Variants in NRG3 observed in about 807,000 individuals in gnomAD.
NRG3 encodes pro-neuregulin-3, membrane-bound isoform.
In NRG3, 31 loss-of-function variants were observed where a neutral mutation model predicts 66.9. That is an observed-to-expected ratio of 0.46 (90% CI 0.35 to 0.63). NRG3 has a LOEUF of 0.63. NRG3 is among the 20% of genes least tolerant of loss of function. The pLI is 0.00. For missense variants in NRG3, 910 were observed against 878.9 expected, an observed-to-expected ratio of 1.04 and a Z score of -0.45; for synonymous variants, 393 against 359.4, an observed-to-expected ratio of 1.09 and a Z score of -1.06.
intron 2 of NRG3, among the ~76,000 whole-genome samples, chr10:82,517,664 TG>T: frequency 8.2e-6 from 1 of 121,724 alleles, no homozygotes; most frequent in African/African-American, 4.1e-5. Flanking sequence ...TGTGTGTGTG[TG>T]TGTGCATGTG....
intron 1 of NRG3, among the ~76,000 whole-genome samples, chr10:81,937,138 T>C (rs1264721089): frequency 2.6e-5 from 4 of 152,282 alleles, no homozygotes; most frequent in African/African-American, 7.2e-5. Flanking sequence ...ACGAATTCTA[T>C]TGTATGCATA....
intron 2 of NRG3, among the ~76,000 whole-genome samples, chr10:82,492,091 G>A (rs1843194370): frequency 6.6e-6 from 1 of 152,116 alleles, no homozygotes; most frequent in South Asian, 2.1e-4. Flanking sequence ...GTCACAGTCA[G>A]TTGTCCTTTC....
At chr10:81,892,242 T>G (rs943685661) in intron 1 of NRG3, among the ~76,000 whole-genome samples, 3 of 152,058 alleles carry the variant, frequency 2.0e-5, no homozygotes, top group Non-Finnish European at 4.4e-5. Context: ...GTCTGTGCAT[T>G]ATACACACAC....
intron 1 of NRG3, among the ~76,000 whole-genome samples, chr10:82,337,430 A>T (rs2082445820): frequency 6.6e-6 from 1 of 152,184 alleles, no homozygotes; most frequent in African/African-American, 2.4e-5. Flanking sequence ...AGTTGCTTCC[A>T]CTTTTTGGCT....
intron 2 of NRG3, among the ~76,000 whole-genome samples, chr10:82,679,892 T>A (rs918668220): frequency 1.3e-5 from 2 of 152,220 alleles, no homozygotes; most frequent in African/African-American, 4.8e-5. Flanking sequence ...CTTTTGTTTA[T>A]GTACTAACCT....
At chr10:82,983,336 G>C (rs1853119539) in intron 8 of NRG3, among the ~76,000 whole-genome samples, 1 of 152,006 alleles carries the variant, frequency 6.6e-6, no homozygotes, top group Non-Finnish European at 1.5e-5. Context: ...GAACTTTTAG[G>C]CTCATATTTT....
At chr10:82,482,972 G>T (rs1842402042) in intron 2 of NRG3, among the ~76,000 whole-genome samples, 1 of 152,140 alleles carries the variant, frequency 6.6e-6, no homozygotes, top group Admixed American at 6.5e-5. Context: ...TTACCAACCA[G>T]CACAGATCCT....
At chr10:82,809,200 T>G (rs1196358519) in intron 3 of NRG3, among the ~76,000 whole-genome samples, 1 of 152,092 alleles carries the variant, frequency 6.6e-6, no homozygotes, top group Admixed American at 6.6e-5. Context: ...TGCCAATGAT[T>G]GTGCTAGTGA....
At chr10:82,709,094 G>T (rs1385228374) in intron 2 of NRG3, among the ~76,000 whole-genome samples, 6 of 152,096 alleles carry the variant, frequency 3.9e-5, no homozygotes, top group Non-Finnish European at 7.4e-5. Flanking sequence ...TATACCTTTA[G>T]GTTATTTAGA....
chr10:82,103,309 A>G (rs1322755010), intron 1 of NRG3, among the ~76,000 whole-genome samples: 1 of 152,142 alleles, frequency 6.6e-6, no homozygotes, highest in Non-Finnish European at 1.5e-5. Flanking sequence ...TTCTTTGTAT[A>G]GAATTGGTAG....
At chr10:82,348,648 T>C (rs958902900) in intron 1 of NRG3, among the ~76,000 whole-genome samples, 2 of 148,624 alleles carry the variant, frequency 1.3e-5, no homozygotes, top group African/African-American at 5.0e-5. Context: ...TCCTGGATAA[T>C]ATCCTGCAGA....
At chr10:82,709,530 C>T (rs901775980) in intron 2 of NRG3, among the ~76,000 whole-genome samples, 12 of 151,990 alleles carry the variant, frequency 7.9e-5, no homozygotes, top group Non-Finnish European at 1.0e-4. Context: ...TACAAGTGTG[C>T]GCCACCATCC....
chr10:82,528,752 T>C (rs1304061961), intron 2 of NRG3, among the ~76,000 whole-genome samples: 3 of 152,196 alleles, frequency 2.0e-5, no homozygotes, highest in Admixed American at 6.5e-5. Context: ...GAAAAGAAGA[T>C]TGGCTTTTTT....
chr10:82,306,311 A>G (rs2080720582), intron 1 of NRG3, among the ~76,000 whole-genome samples: 1 of 152,170 alleles, frequency 6.6e-6, no homozygotes, highest in South Asian at 2.1e-4. Context: ...TTGATCAGGT[A>G]CTGGAACGAC....
chr10:82,766,726 G>A (rs529779874), intron 3 of NRG3, among the ~76,000 whole-genome samples: 62 of 151,928 alleles, frequency 4.1e-4, no homozygotes, highest in African/African-American at 1.5e-3. Flanking sequence ...TGTAATTAAA[G>A]ACAAAAATGT....
At chr10:82,233,007 A>T in intron 1 of NRG3, 1 of 563,888 alleles carries the variant, frequency 1.8e-6, no homozygotes, top group Admixed American at 3.1e-5. Context: ...TATGTGGGCA[A>T]GGTAGAGGAA....
chr10:81,903,237 C>T (rs758256588), intron 1 of NRG3, among the ~76,000 whole-genome samples: 13 of 151,928 alleles, frequency 8.6e-5, no homozygotes, highest in Non-Finnish European at 1.6e-4. Flanking sequence ...ACTCAGAGGC[C>T]GGGTGCTTCA....
intron 3 of NRG3, among the ~76,000 whole-genome samples, chr10:82,817,536 A>G (rs1288255121): frequency 6.6e-6 from 1 of 151,472 alleles, no homozygotes; most frequent in Non-Finnish European, 1.5e-5. Flanking sequence ...TCTTACCTCT[A>G]CTCCTGGTTA....
intron 8 of NRG3, among the ~76,000 whole-genome samples, chr10:82,979,486 G>A (rs987076135): frequency 6.6e-6 from 1 of 152,154 alleles, no homozygotes; most frequent in Admixed American, 6.5e-5. Context: ...CGAATTCTCT[G>A]ATAAGTATTG....
Sources: allele counts gnomAD v4.1 joint callset (sites outside exome capture counted in the v4.1 genomes callset), GRCh38; gene constraint gnomAD v4.1.1; transcripts MANE v1.5; gene names NCBI Gene and HGNC (gene_info 2026-07-23, HGNC 2026-07-21).